DYRK4: variants seen among roughly 807,000 people sequenced by gnomAD.
DYRK4 encodes dual specificity tyrosine-phosphorylation-regulated kinase 4.
A neutral mutation model predicts 68.3 loss-of-function variants in DYRK4; 64 were observed. The observed-to-expected ratio is 0.94, with a 90% CI of 0.77 to 1.15. The LOEUF (loss-of-function observed/expected upper bound fraction) is 1.15, where lower values mean the gene tolerates loss of function less well. Ranked by LOEUF, DYRK4 falls within the 50% of genes most tolerant of loss-of-function variation. The pLI is 0.00. For missense variants in DYRK4, 740 were observed against 764.7 expected (o/e 0.97, Z 0.38); for synonymous variants, 274 against 289.9 (o/e 0.95, Z 0.56).
Position 4,591,506 on chromosome 12 carries a change from A to C in DYRK4, c.463+208A>C, listed in dbSNP as rs548054931. ...TGAATAGGAGGCTGAATTTCCCCCA[A>C]GGAGTGGCTCTGGGCAAGGGCGGGA... is the stretch of plus-strand genomic sequence containing the variant. On this transcript the variant is annotated intron_variant, in intron 5 of 14. Transcript: ENST00000543431. This position sits in a 1 kb window ranked among gnomAD's most constrained non-coding sequence, Gnocchi z 4.1. The C allele has an allele frequency of 5.5e-5, 36 of 657,172 alleles. No homozygotes were observed. In the African/African-American group the frequency reaches 5.9e-4, roughly 11 times the overall value. 40.7% of individuals were successfully genotyped at this position (657,172 alleles called of 1,614,324 possible). A position where few individuals can be genotyped will look rare whatever the true frequency, so the allele number is the denominator to read the frequency against.
At chr12:4,608,106 C>T (rs1043854904) in intron 12 of DYRK4, among the ~76,000 whole-genome samples, 13 of 152,132 alleles carry the variant, frequency 8.5e-5, no homozygotes, top group African/African-American at 3.1e-4. Context: ...CGTACACGCA[C>T]CAAAAAGATG....
At chr12:4,575,372 G>A (rs1442663512) in intron 2 of DYRK4, among the ~76,000 whole-genome samples, 2 of 149,234 alleles carry the variant, frequency 1.3e-5, no homozygotes, top group Non-Finnish European at 3.0e-5. Context: ...GCAGTGGTGC[G>A]ATCTCGGCTC....
intron 1 of DYRK4, chr12:4,563,302 G>T (rs1944647110): frequency 2.6e-6 from 1 of 379,476 alleles, no homozygotes; most frequent in Admixed American, 3.1e-5. Flanking sequence ...AGGTAAATCG[G>T]AAGGGACTCT....
intron 2 of DYRK4, among the ~76,000 whole-genome samples, chr12:4,580,199 C>G (rs1280401263): frequency 6.6e-6 from 1 of 152,206 alleles, no homozygotes; most frequent in East Asian, 1.9e-4. Flanking sequence ...TGCCCTTCCT[C>G]AAGGATGGCA....
chr12:4,603,346 C>T, intron 10 of DYRK4: 1 of 553,300 alleles, frequency 1.8e-6, no homozygotes, highest in Non-Finnish European at 3.3e-6. Context: ...CATTAGTTAA[C>T]CCCTCCAGGT....
Position 4,571,365 on chromosome 12 carries a change from C to T in DYRK4, c.132+3317C>T, listed in dbSNP as rs141428238. On this transcript the variant is annotated intron_variant, in intron 2 of 14. Coordinates refer to ENST00000543431, the MANE Select transcript of DYRK4 (RefSeq NM_001394779.1). Reference sequence around the variant, plus strand: ...GCTGAATGCCACCTCCTTAGAGAGGCGTTCCTTCCCCACCATTTCTAATTA... The same window carrying T: ...GCTGAATGCCACCTCCTTAGAGAGGTGTTCCTTCCCCACCATTTCTAATTA... Among the ~76,000 whole-genome samples the T allele has an allele frequency of 4.1e-3, 622 of 152,302 alleles. 8 individuals carry two copies. Among genetic ancestry groups the T allele is most frequent in the Non-Finnish European group, 6.5e-3 (443 of 68,004 alleles).
rs1278460638 is a variant in DYRK4 at position 4,610,152 on chromosome 12, C to T, written c.1361-3C>T. On this transcript the variant is annotated splice_polypyrimidine_tract_variant and splice_region_variant and intron_variant, in intron 12 of 14. Transcript: ENST00000543431. ...CTAAATACAGAATGTTCTATCTCTA[C>T]AGATTCCAAAGGTTTTCCTAAAAAT... 1.9e-6 allele frequency: 3 copies of T among 1,585,948 alleles called. No individual in the cohort carries two copies. Among genetic ancestry groups the T allele is most frequent in the South Asian group, 2.4e-5 (2 of 85,018 alleles).
At chr12:4,604,823 G>A (rs569140726) in intron 10 of DYRK4, 91 bp from the exon 11 acceptor site, 2 of 1,417,982 alleles carry the variant, frequency 1.4e-6, no homozygotes, top group East Asian at 2.6e-5. Flanking sequence ...GCCAGCGGGG[G>A]CGCAGTCTAA....
chr12:4,603,201 C>T, intron 10 of DYRK4: 1 of 1,169,436 alleles, frequency 8.6e-7, no homozygotes, highest in Non-Finnish European at 1.3e-6. Context: ...GAGACCTCAT[C>T]CTGCAAAGAT....
intron 1 of DYRK4, among the ~76,000 whole-genome samples, chr12:4,563,527 G>C (rs1211411782): frequency 1.3e-5 from 2 of 152,176 alleles, no homozygotes; most frequent in Admixed American, 6.5e-5. Context: ...GAAATGCAAT[G>C]ACCACATCAA....
At chr12:4,586,920 G>A (rs1336171884) in intron 2 of DYRK4, among the ~76,000 whole-genome samples, 6 of 152,154 alleles carry the variant, frequency 3.9e-5, no homozygotes, top group African/African-American at 7.2e-5. Context: ...GTGTTTTGAG[G>A]TTGGTACTAA....
chr12:4,567,430 A>G (rs1944688543), intron 1 of DYRK4: 1 of 152,974 alleles, frequency 6.5e-6, no homozygotes, highest in South Asian at 2.1e-4. Flanking sequence ...ACTTATAGAA[A>G]TTACTGCTTA....
intron 2 of DYRK4, among the ~76,000 whole-genome samples, chr12:4,586,696 TG>T (rs1944899968): frequency 9.3e-6 from 1 of 108,036 alleles, no homozygotes; most frequent in Non-Finnish European, 1.9e-5. Flanking sequence ...GCTAAACTCC[TG>T]GGCTGCGTAC....
intron 2 of DYRK4, chr12:4,572,880 G>T: frequency 6.0e-6 from 1 of 167,864 alleles, no homozygotes; most frequent in South Asian, 1.5e-4. Context: ...GCTTATCAGT[G>T]AGTGTCACAC....
chr12:4,582,403 C>CA (rs1476668053), intron 2 of DYRK4, among the ~76,000 whole-genome samples: 1 of 152,126 alleles, frequency 6.6e-6, no homozygotes, highest in Non-Finnish European at 1.5e-5. Flanking sequence ...GAGATGGCGC[C>CA]ACTGCACTCC....
intron 2 of DYRK4, among the ~76,000 whole-genome samples, chr12:4,570,154 T>A (rs11063235): frequency 0.32 from 48,539 of 151,460 alleles, 9,842 homozygotes; most frequent in Middle Eastern, 0.45. Flanking sequence ...GGTAGTAGGA[T>A]CGCTTGAGCC....
chr12:4,596,433 G>T, intron 7 of DYRK4, 148 bp downstream of exon 7: 3 of 1,505,380 alleles, frequency 2.0e-6, no homozygotes, highest in Non-Finnish European at 1.8e-6. Context: ...TTCCATGAGG[G>T]GGCAAAGAGG....
Position 4,607,352 on chromosome 12 carries a change from TC to T in DYRK4, c.1326del (p.Phe442LeufsTer21). 1 of 1,614,244 alleles carries T rather than the reference TC, an allele frequency of 6.2e-7. No individual in the cohort carries two copies. Among genetic ancestry groups the T allele is most frequent in the Non-Finnish European group, 8.5e-7 (1 of 1,180,034 alleles). On this transcript the variant is annotated frameshift_variant, in exon 12 of 15. Transcript: ENST00000543431. LOFTEE classifies it high-confidence loss of function. ...GTGCTGGGTCTGCCGCCAGCCGGCT[TC>T]ATTCAGACAGCCTCCAGGAGACAGA... ...MEVLGLPPAG[F>X]IQTASRRQTF...
chr12:4,586,704 G>A (rs112248509), intron 2 of DYRK4, among the ~76,000 whole-genome samples: 6,002 of 81,094 alleles, frequency 0.074, 143 homozygotes, highest in South Asian at 0.13. Flanking sequence ...CCTGGGCTGC[G>A]TACACACACA....
Sources: gnomAD v4.1 joint callset for allele counts (sites outside exome capture counted in the v4.1 genomes callset) on GRCh38, gnomAD v4.1.1 for gene constraint, Gnocchi (gnomAD v3.1) non-coding constraint, MANE v1.5 for transcripts, NCBI Gene and HGNC (gene_info 2026-07-23, HGNC 2026-07-21) for gene names.